The following RSBN1L variants were observed in gnomAD, a reference collection of about 807,000 sequenced individuals.
The protein encoded by RSBN1L is round spermatid basic protein 1 like.
Under a neutral mutation model 67.7 loss-of-function variants are expected in RSBN1L, and 30 were observed. The ratio of observed to expected loss-of-function variants is 0.44; its 90% CI spans 0.33 to 0.60. The LOEUF is 0.60. Among genes scored for constraint, RSBN1L ranks in the 20% least tolerant of loss-of-function variants. The probability of loss-of-function intolerance (pLI) is 0.02; values close to 1 mark genes in which losing one functional copy is unlikely to be tolerated. For synonymous variants in RSBN1L, 433 were observed against 387.0 expected, an observed-to-expected ratio of 1.12 and a Z score of -1.39; for missense variants, 992 against 1,031.7, an observed-to-expected ratio of 0.96 and a Z score of 0.53.
rs1219536935 is a variant in RSBN1L, at chr7:77,778,785, G to A, written c.2158G>A (p.Gly720Arg). The change falls in exon 8 of 8, where the codon GGA becomes AGA. Residue 720 changes from glycine to arginine, a missense_variant. Gly to Arg is a moderately radical substitution (Grantham distance 125, BLOSUM62 -2). Transcript: ENST00000334955. ...TSSDSTSSVLGPHTDNMICAV... is the reference protein window; with the variant it reads ...TSSDSTSSVLRPHTDNMICAV... The stretch of plus-strand genomic sequence containing the variant: ...ATCAGATTCCACATCATCTGTTCTT[G>A]GACCTCACACTGACAACATGATTTG... 1 of 1,614,100 alleles carries A rather than the reference G, an allele frequency of 6.2e-7. No individual in the cohort carries two copies. The highest frequency in any genetic ancestry group is 8.5e-7 in the Non-Finnish European group (1 of 1,180,004).
intron 1 of RSBN1L, among the ~76,000 whole-genome samples, chr7:77,721,305 T>C (rs1318511111): frequency 1.3e-5 from 2 of 152,202 alleles, no homozygotes. Flanking sequence ...TTCCTTCTTT[T>C]TACTTAAATC....
rs10569815 is a variant in RSBN1L at position 77,779,443 on chromosome 7, CATAT to C, written c.*289_*292del. On this transcript the variant is annotated 3_prime_UTR_variant, in exon 8 of 8. Transcript: ENST00000334955. ...GGTTTTAGAATAGAGCTGACATTAA[CATAT>C]ATATATATATATAAATATATATATA... 1.2e-4 allele frequency: 18 copies of C among 147,460 alleles called. No homozygotes were observed. Among genetic ancestry groups the C allele is most frequent in the African/African-American group, 2.5e-4 (10 of 40,062 alleles). The allele number at this position is 147,460 out of a possible 1,614,324, so 9.1% of individuals were successfully genotyped here.
At chr7:77,719,467 T>C (rs1791088299) in intron 1 of RSBN1L, among the ~76,000 whole-genome samples, 1 of 152,200 alleles carries the variant, frequency 6.6e-6, no homozygotes, top group African/African-American at 2.4e-5. Flanking sequence ...TAATGTGGAC[T>C]TAGAGGTCTA....
At chr7:77,740,665 C>T (rs1037623469) in intron 2 of RSBN1L, among the ~76,000 whole-genome samples, 8 of 151,942 alleles carry the variant, frequency 5.3e-5, no homozygotes, top group African/African-American at 9.7e-5. Context: ...AGAAAGTATA[C>T]GAAAATTAGT....
intron 3 of RSBN1L, among the ~76,000 whole-genome samples, chr7:77,755,441 G>A (rs1370736287): frequency 1.3e-5 from 2 of 152,134 alleles, no homozygotes; most frequent in Admixed American, 1.3e-4. Context: ...GAGGCAGTCG[G>A]ATCACCTGAG....
In RSBN1L at chr7:77,773,553, A is replaced by G. The variant is rs549738839; in HGVS notation, c.1793+239A>G. Reference sequence around the variant, plus strand: ...GCCGAGGTGGGTGGATCACAAGGTCAGGAGATCAAGACCAGCCTAGCCAAT... The same window carrying G: ...GCCGAGGTGGGTGGATCACAAGGTCGGGAGATCAAGACCAGCCTAGCCAAT... On this transcript the variant is annotated intron_variant, in intron 6 of 7. Coordinates refer to ENST00000334955, the MANE Select transcript of RSBN1L (RefSeq NM_198467.3). 253 of 274,276 alleles carry G rather than the reference A, an allele frequency of 9.2e-4. 1 individual carries two copies. The highest frequency in any genetic ancestry group is 1.5e-3 in the Non-Finnish European group (226 of 146,870). 17.0% of individuals were successfully genotyped at this position (274,276 alleles called of 1,614,324 possible).
intron 1 of RSBN1L, among the ~76,000 whole-genome samples, chr7:77,699,910 C>T (rs2150410566): frequency 6.6e-6 from 1 of 151,904 alleles, no homozygotes; most frequent in South Asian, 2.1e-4. Flanking sequence ...AATTCTCCTG[C>T]CTCAGCCTCC....
chr7:77,701,313 T>C (rs1330153399), intron 1 of RSBN1L, among the ~76,000 whole-genome samples: 4 of 152,178 alleles, frequency 2.6e-5, no homozygotes, highest in African/African-American at 9.6e-5. Context: ...GGAATTTCTT[T>C]AACTTTTGTT....
At chr7:77,766,254 G>A (rs767368202) in intron 4 of RSBN1L, among the ~76,000 whole-genome samples, 20 of 152,186 alleles carry the variant, frequency 1.3e-4, no homozygotes, top group Admixed American at 1.3e-4. Context: ...GTGTAGTGGT[G>A]TAATGTGGAG....
chr7:77,702,405 T>G (rs1326453455), intron 1 of RSBN1L, among the ~76,000 whole-genome samples: 1 of 152,254 alleles, frequency 6.6e-6, no homozygotes, highest in African/African-American at 2.4e-5. Flanking sequence ...GAGGTGTTCT[T>G]CTGTTCTCCC....
rs370580481 is a variant in RSBN1L at position 77,742,737 on chromosome 7, C to A, written c.703+6211C>A. The stretch of plus-strand genomic sequence containing the variant: ...CTGTAATTCCAGCTACTCAGTTGGC[C>A]GAGGCAGGAGAATCGCTTGAACCCA... On this transcript the variant is annotated intron_variant, in intron 2 of 7. Coordinates refer to ENST00000334955, the MANE Select transcript of RSBN1L (RefSeq NM_198467.3). Among the ~76,000 whole-genome samples the A allele has an allele frequency of 1.7e-4, 26 of 152,156 alleles. 1 individual carries two copies. The East Asian group carries it at 5.0e-3, about 29-fold the overall frequency.
At position 77,744,355 on chromosome 7, in the gene RSBN1L, A is replaced by T. The variant is rs527335491; in HGVS notation, c.704-5069A>T. 1.1e-3 allele frequency among the ~76,000 whole-genome samples: 169 copies of T among 151,984 alleles called. 1 individual carries two copies. Among genetic ancestry groups the T allele is most frequent in the African/African-American group, 4.0e-3 (165 of 41,454 alleles). On this transcript the variant is annotated intron_variant, in intron 2 of 7. Transcript: ENST00000334955. ...CTGGCCTACTGTTTGACTTTTTTTT[A>T]AAAATTAATTTTGTCCTTAAGATAC... is the stretch of plus-strand genomic sequence containing the variant.
intron 2 of RSBN1L, among the ~76,000 whole-genome samples, chr7:77,742,428 G>A (rs912729384): frequency 2.6e-5 from 4 of 152,080 alleles, no homozygotes; most frequent in African/African-American, 9.7e-5. Context: ...TGCCAGAGAA[G>A]CTCATTAAAA....
At chr7:77,719,579 A>G (rs1220956819) in intron 1 of RSBN1L, among the ~76,000 whole-genome samples, 1 of 152,202 alleles carries the variant, frequency 6.6e-6, no homozygotes, top group Non-Finnish European at 1.5e-5. Context: ...GTAACCAGAT[A>G]CCACCTACAA....
intron 1 of RSBN1L, among the ~76,000 whole-genome samples, chr7:77,720,853 C>A (rs1389531929): frequency 3.3e-5 from 5 of 149,540 alleles, no homozygotes; most frequent in South Asian, 2.1e-4. Context: ...GCAGCATCAG[C>A]CTCCCAGGTT....
At chr7:77,698,071 G>C (rs1383598858) in intron 1 of RSBN1L, among the ~76,000 whole-genome samples, 3 of 152,228 alleles carry the variant, frequency 2.0e-5, no homozygotes, top group African/African-American at 7.2e-5. Flanking sequence ...AGCAGTTTCA[G>C]CATTGCTGAT....
intron 1 of RSBN1L, among the ~76,000 whole-genome samples, chr7:77,713,439 C>T (rs1791002851): frequency 6.6e-6 from 1 of 151,814 alleles, no homozygotes; most frequent in Non-Finnish European, 1.5e-5. Context: ...TCACTGCAAG[C>T]TCCACCTCCC....
chr7:77,712,653 T>C (rs914875889), intron 1 of RSBN1L, among the ~76,000 whole-genome samples: 4 of 152,238 alleles, frequency 2.6e-5, no homozygotes, highest in Non-Finnish European at 4.4e-5. Context: ...AGCAGTATAT[T>C]AGAAATACTG....
intron 5 of RSBN1L, among the ~76,000 whole-genome samples, chr7:77,771,011 G>A (rs1484139097): frequency 2.0e-5 from 3 of 152,100 alleles, no homozygotes; most frequent in African/African-American, 4.8e-5. Context: ...GTGCAATCTC[G>A]GCTCACTGCA....
Sources: allele counts gnomAD v4.1 joint callset (sites outside exome capture counted in the v4.1 genomes callset), GRCh38; gene constraint gnomAD v4.1.1; transcripts MANE v1.5; gene names NCBI Gene and HGNC (gene_info 2026-07-23, HGNC 2026-07-21).